Variants in TTN observed in about 807,000 individuals in gnomAD.
TTN encodes connectin.
In TTN, 1,525 loss-of-function variants were observed where a neutral mutation model predicts 3,223.0. The ratio of observed to expected loss-of-function variants is 0.47; its 90% CI spans 0.45 to 0.49. The LOEUF is 0.49. Among genes scored for constraint, TTN ranks in the 20% least tolerant of loss-of-function variants. The pLI, the probability that TTN is intolerant of heterozygous loss-of-function variation, is 0.00. For missense variants in TTN, 40,786 were observed against 43,424.0 expected (o/e 0.94, Z 5.40); for synonymous variants, 14,094 against 15,161.0 (o/e 0.93, Z 5.17).
chr2:178,568,527 C>T lies in TTN; in HGVS notation c.77605G>A (p.Gly25869Arg). Residue 25869 changes from glycine (G) to arginine (R), a missense_variant, in exon 326 of 363, where the codon GGA (glycine) becomes AGA (arginine). By Grantham distance (125) the Gly-to-Arg change is moderately radical (BLOSUM62 -2). Coordinates refer to ENST00000589042, the MANE Select transcript of TTN (RefSeq NM_001267550.2). Reference protein sequence around the residue: ...ETHKDDGGQYGITVANVVGQK... With the variant: ...ETHKDDGGQYRITVANVVGQK... ...CCAACAACATTGGCAACTGTGATTC[C>T]ATATTGTCCACCATCATCCTTATGA... The T allele has an allele frequency of 6.2e-7, 1 of 1,613,392 alleles. No homozygotes were observed. The highest frequency in any genetic ancestry group is 8.5e-7 in the Non-Finnish European group (1 of 1,179,546).
Position 178,572,764 on chromosome 2 carries a change from AG to A in TTN, c.73367del (p.Pro24456LeufsTer5). ...CCCGGGCCCACTTCACCTCAGGTGCAGGCCTTCCTTTGATGGGAACAAAAAG... is the reference window on the plus strand; with the variant it reads ...CCCGGGCCCACTTCACCTCAGGTGCAGCCTTCCTTTGATGGGAACAAAAAG... ...LRLFVPIKGR[P>X]APEVKWARDH... On this transcript the variant is annotated frameshift_variant, in exon 326 of 363. Coordinates refer to ENST00000589042, the MANE Select transcript of TTN (RefSeq NM_001267550.2). LOFTEE classifies it high-confidence loss of function. The A allele has an allele frequency of 6.2e-7, 1 of 1,613,494 alleles. No individual in the cohort carries two copies. Among genetic ancestry groups the A allele is most frequent in the Non-Finnish European group, 8.5e-7 (1 of 1,179,582 alleles).
rs879007366 is a variant in TTN, at chr2:178,537,915, C to T, written c.99292G>A (p.Gly33098Arg). The T allele has an allele frequency of 6.2e-7, 1 of 1,603,120 alleles. No individual in the cohort carries two copies. Among genetic ancestry groups the T allele is most frequent in the Non-Finnish European group, 8.5e-7 (1 of 1,173,908 alleles). Residue 33098 changes from glycine (G) to arginine (R), a missense_variant and splice_region_variant, in exon 355 of 363, where the codon GGA becomes AGA. By Grantham distance (125) the Gly-to-Arg change is moderately radical (BLOSUM62 -2). Coordinates refer to ENST00000589042, the MANE Select transcript of TTN (RefSeq NM_001267550.2). ...AMSIKTKLTS[G>R]EAPGIRKEMK... is the part of the protein sequence containing the mutation. ...TCTTTGCGTATTCCTGGGGCCTCTC[C>T]AGCTGAACAATATGAAAGATAATAT...
intron 215 of TTN, among the ~76,000 whole-genome samples, 151 bp from the exon 216 acceptor site, chr2:178,646,710 A>T (rs1208848603): frequency 6.6e-6 from 1 of 152,030 alleles, no homozygotes; most frequent in African/African-American, 2.4e-5. Context: ...CACGTATAAG[A>T]AAAAGTTCTT....
chr2:178,613,488 TGACA>T (rs1156728018), intron 263 of TTN, among the ~76,000 whole-genome samples: 1 of 152,000 alleles, frequency 6.6e-6, no homozygotes, highest in African/African-American at 2.4e-5. Flanking sequence ...ATAATATCTA[TGACA>T]GTGGTCATTA....
chr2:178,804,953 A>G (rs1575041563), intron 1 of TTN, among the ~76,000 whole-genome samples: 1 of 152,248 alleles, frequency 6.6e-6, no homozygotes, highest in Admixed American at 6.5e-5. Context: ...AGTCTTACCA[A>G]TGGTGGAAAA....
At chr2:178,747,483 C>T in intron 47 of TTN, 4 of 1,613,400 alleles carry the variant, frequency 2.5e-6, no homozygotes, top group Non-Finnish European at 3.4e-6. Context: ...GTACTTCCCA[C>T]ACCAATGGAA....
chr2:178,670,194 T>G, intron 157 of TTN, 24 bp downstream of exon 157: 1 of 1,405,576 alleles, frequency 7.1e-7, no homozygotes, highest in Non-Finnish European at 9.3e-7. Context: ...TTTATATTAA[T>G]GATGAATGAG....
chr2:178,782,793 G>T lies in TTN; in HGVS notation c.3100+13C>A. 1 of 1,612,168 alleles carries T rather than the reference G, an allele frequency of 6.2e-7. No individual in the cohort carries two copies. Among genetic ancestry groups the T allele is most frequent in the Admixed American group, 1.7e-5 (1 of 59,984 alleles). Reference sequence around the variant, plus strand: ...GGCATGTGCATTAGGACTGTGGGAGGGTGGCCACTAACCCTGCACAGCCAG... The same window carrying T: ...GGCATGTGCATTAGGACTGTGGGAGTGTGGCCACTAACCCTGCACAGCCAG... On this transcript the variant is annotated intron_variant, in intron 18 of 362. Transcript: ENST00000589042.
chr2:178,775,107 A>G lies in TTN; in HGVS notation c.6604T>C (p.Phe2202Leu). The G allele has an allele frequency of 6.2e-7, 1 of 1,614,034 alleles. No individual in the cohort carries two copies. Among genetic ancestry groups the G allele is most frequent in the Admixed American group, 1.7e-5 (1 of 60,008 alleles). Residue 2202 changes from phenylalanine (F) to leucine (L), a missense_variant, in exon 29 of 363, where the codon TTT becomes CTT. Coordinates refer to ENST00000589042, the MANE Select transcript of TTN (RefSeq NM_001267550.2). ...TCTTTATACCATTTCACTTTGACAA[A>G]TGGTTCTGAAGTTTCACATTCAAAG... ...ATFECETSEP[F>L]VKVKWYKDGM...
chr2:178,770,025 A>G (rs1363163978), intron 36 of TTN, 35 bp downstream of exon 36: 1 of 1,614,068 alleles, frequency 6.2e-7, no homozygotes, highest in African/African-American at 1.3e-5. Context: ...GGGGTTCATT[A>G]AGGAAAGGGC....
At position 178,667,292 on chromosome 2, in the gene TTN, G is replaced by C. The variant is rs758979386; in HGVS notation, c.35741C>G (p.Pro11914Arg). The change falls in exon 162 of 363, where the codon CCA becomes CGA. Residue 11914 changes from proline to arginine, a missense_variant. Pro to Arg is a moderately radical substitution (Grantham distance 103). Transcript: ENST00000589042. Reference protein sequence around the residue: ...KEPDTTRGIFPEVEPPEAIPE... With the variant: ...KEPDTTRGIFREVEPPEAIPE... ...AATAGCCTCAGGTGGCTCCACCTCT[G>C]GAAAAATGCCTCTGGTTGTATCAGG... The C allele has an allele frequency of 6.2e-7, 1 of 1,605,088 alleles. No individual in the cohort carries two copies. The highest frequency in any genetic ancestry group is 1.1e-5 in the South Asian group (1 of 89,466).
chr2:178,552,812 C>T lies in TTN; in HGVS notation c.90088G>A (p.Val30030Ile), dbSNP rs1167897212. The change falls in exon 335 of 363, where the codon GTA (valine) becomes ATA (isoleucine). Residue 30030 changes from valine to isoleucine, a missense_variant. Coordinates refer to ENST00000589042, the MANE Select transcript of TTN (RefSeq NM_001267550.2). Reference protein sequence around the residue: ...ETTEPVKAAEVPAPIRDLSMK... With the variant: ...ETTEPVKAAEIPAPIRDLSMK... Reference sequence around the variant, plus strand: ...GAGAGATCACGTATAGGAGCTGGTACTTCAGCAGCCTTCACTGGCTCTGTA... The same window carrying T: ...GAGAGATCACGTATAGGAGCTGGTATTTCAGCAGCCTTCACTGGCTCTGTA... The T allele has an allele frequency of 6.2e-7, 1 of 1,613,872 alleles. No homozygotes were observed. Among genetic ancestry groups the T allele is most frequent in the Non-Finnish European group, 8.5e-7 (1 of 1,179,812 alleles).
At chr2:178,610,936 TTAAC>T in intron 270 of TTN, 53 bp downstream of exon 270, 1 of 1,595,860 alleles carries the variant, frequency 6.3e-7, no homozygotes, top group Non-Finnish European at 8.5e-7. Context: ...CACTGCAAAG[TTAAC>T]TAATTTCCTC....
chr2:178,747,545 T>C (rs2084019586), intron 47 of TTN: 1 of 1,613,322 alleles, frequency 6.2e-7, no homozygotes, highest in Non-Finnish European at 8.5e-7. Flanking sequence ...TTTCTGGTTG[T>C]AGTATTCATA....
In TTN at chr2:178,562,935, T is replaced by G; in HGVS notation, c.83197A>C (p.Ile27733Leu). ...EVTSSFTMLV[I>L]DNVTRFDSGR... The stretch of plus-strand genomic sequence containing the variant: ...CTGTCAAATCTGGTAACATTATCAA[T>G]CACCAACATTGTAAATGAGCTGGTC... The change falls in exon 326 of 363, where the codon ATT becomes CTT. Residue 27733 changes from isoleucine to leucine, a missense_variant. Transcript: ENST00000589042. 6.2e-7 allele frequency: 1 copy of G among 1,613,638 alleles called. No homozygotes were observed.
chr2:178,603,913 A>G lies in TTN; in HGVS notation c.54774T>C (p.Ser18258=). Reference sequence around the variant, plus strand: ...CTGCAACCTCTGGATCTGATGGTTCACTGGGAGGACCAATTCCTGCAGCAT... The same window carrying G: ...CTGCAACCTCTGGATCTGATGGTTCGCTGGGAGGACCAATTCCTGCAGCAT... ...AINAAGIGPP[S]EPSDPEVAGD... Residue 18258 remains serine (S), a synonymous_variant, in exon 282 of 363, where the codon AGT becomes AGC. Transcript: ENST00000589042. 1.9e-6 allele frequency: 3 copies of G among 1,611,380 alleles called. No homozygotes were observed. Among genetic ancestry groups the G allele is most frequent in the South Asian group, 1.1e-5 (1 of 90,898 alleles).
chr2:178,730,861 T>TA (rs376726021), intron 60 of TTN, 64 bp downstream of exon 60: 2 of 1,525,746 alleles, frequency 1.3e-6, no homozygotes, highest in Admixed American at 2.2e-5. Context: ...TTTTTTTTTT[T>TA]AAATTTTAAG....
chr2:178,741,254 A>G lies in TTN; in HGVS notation c.11979T>C (p.Ser3993=). Reference sequence around the variant, plus strand: ...GAGGGTCATTGACAATGAAAGTTCCAGAGCCATTAGGGTTATGAATGATAG... The same window carrying G: ...GAGGGTCATTGACAATGAAAGTTCCGGAGCCATTAGGGTTATGAATGATAG... ...YYTIIHNPNG[S]GTFIVNDPQR... Residue 3993 remains serine, a synonymous_variant, in exon 48 of 363, where the codon TCT becomes TCC. Transcript: ENST00000589042. 1 of 1,613,786 alleles carries G rather than the reference A, an allele frequency of 6.2e-7. No individual in the cohort carries two copies. Among genetic ancestry groups the G allele is most frequent in the Non-Finnish European group, 8.5e-7 (1 of 1,179,834 alleles).
At chr2:178,577,566 A>T (rs753663418) in intron 323 of TTN, 36 bp downstream of exon 323, 88 of 1,070,690 alleles carry the variant, frequency 8.2e-5, no homozygotes, top group Non-Finnish European at 1.0e-4. Context: ...AATTTGCTTT[A>T]AAAAAAAAAG....
Sources: gnomAD v4.1 joint callset for allele counts (sites outside exome capture counted in the v4.1 genomes callset) on GRCh38, gnomAD v4.1.1 for gene constraint, MANE v1.5 for transcripts, NCBI Gene and HGNC (gene_info 2026-07-23, HGNC 2026-07-21) for gene names.